The following TGFB1I1 variants were observed in gnomAD, a reference collection of about 807,000 sequenced individuals.
The protein encoded by TGFB1I1 is transforming growth factor beta-1-induced transcript 1 protein.
TGFB1I1 carries 33 observed loss-of-function variants against 52.0 expected under a neutral mutation model. That is an observed-to-expected ratio of 0.63 (90% CI 0.48 to 0.85). The LOEUF (loss-of-function observed/expected upper bound fraction) is 0.85, where lower values mean the gene tolerates loss of function less well. Ranked by LOEUF, TGFB1I1 falls within the 40% of genes least tolerant of loss-of-function variation. The probability of loss-of-function intolerance (pLI) is 0.00; values close to 1 mark genes in which losing one functional copy is unlikely to be tolerated. For synonymous variants in TGFB1I1, 236 were observed against 253.3 expected (o/e 0.93, Z 0.65); for missense variants, 577 against 614.9 (o/e 0.94, Z 0.65).
In TGFB1I1 at chr16:31,477,947, G is replaced by C. The variant is rs1394589488; in HGVS notation, c.*371G>C. On this transcript the variant is annotated 3_prime_UTR_variant, in exon 11 of 11. Coordinates refer to ENST00000394863, the MANE Select transcript of TGFB1I1 (RefSeq NM_001042454.3). This position sits in a 1 kb window ranked among gnomAD's most constrained non-coding sequence, Gnocchi z 4.7. ...ACTTTTTCTACCTACATAAACACACGCATTCCACCTCTCCCTGGTGCTGTC... is the reference window on the plus strand; with the variant it reads ...ACTTTTTCTACCTACATAAACACACCCATTCCACCTCTCCCTGGTGCTGTC... 8.3e-6 allele frequency: 2 copies of C among 240,896 alleles called. No homozygotes were observed. The highest frequency in any genetic ancestry group is 1.6e-5 in the Non-Finnish European group (2 of 124,936). The allele number at this position is 240,896 out of a possible 1,614,324, so 14.9% of individuals were successfully genotyped here. A position where few individuals can be genotyped will look rare whatever the true frequency, so the allele number is the denominator to read the frequency against.
Position 31,473,918 on chromosome 16 carries a change from G to C in TGFB1I1, c.266G>C (p.Gly89Ala). The change falls in exon 4 of 11, where the codon GGG (glycine) becomes GCG (alanine). Residue 89 changes from glycine to alanine, a missense_variant. Gly to Ala is a moderately conservative substitution (Grantham distance 60). Around this residue, in one of 3 missense-constraint regions of TGFB1I1, gnomAD observed 113 missense variants for 123.9 expected, o/e 0.91. Transcript: ENST00000394863. ...TCTTCCAGCGGTGTCTTGGGTACCG[G>C]GCTCTGTGAGCTAGATCGGTTGCTT... ...FSSSSGVLGT[G>A]LCELDRLLQE... The C allele has an allele frequency of 6.2e-7, 1 of 1,614,110 alleles. No individual in the cohort carries two copies. The highest frequency in any genetic ancestry group is 8.5e-7 in the Non-Finnish European group (1 of 1,180,024).
At chr16:31,472,278 A>C in intron 1 of TGFB1I1, 77 bp downstream of exon 1, 2 of 1,417,912 alleles carry the variant, frequency 1.4e-6, no homozygotes, top group South Asian at 1.5e-5. Context: ...GCTCTCCCGC[A>C]TCTCCCCATC....
intron 1 of TGFB1I1, 27 bp downstream of exon 1, chr16:31,472,228 G>A: frequency 1.3e-6 from 2 of 1,483,610 alleles, no homozygotes; most frequent in Admixed American, 2.1e-5. Flanking sequence ...CCCCGGGTCC[G>A]TGGCCCCTCA....
chr16:31,473,260 TG>T (rs1379867322), intron 1 of TGFB1I1, 180 bp from the exon 2 acceptor site: 4 of 1,407,760 alleles, frequency 2.8e-6, no homozygotes, highest in African/African-American at 1.4e-5. Context: ...CGTGAGCAAC[TG>T]GGATATTCTG....
Position 31,472,276 on chromosome 16 carries a change from G to T in TGFB1I1, c.13+75G>T. 7.7e-6 allele frequency: 11 copies of T among 1,421,750 alleles called. 1 individual carries two copies. In the South Asian group the frequency reaches 1.7e-4, roughly 21 times the overall value. 88.1% of individuals were successfully genotyped at this position (1,421,750 alleles called of 1,614,324 possible). A position where few individuals can be genotyped will look rare whatever the true frequency, so the allele number is the denominator to read the frequency against. On this transcript the variant is annotated intron_variant, in intron 1 of 10. Transcript: ENST00000394863. ...GCTGCCTCCCCGCCGTCGCTCTCCC[G>T]CATCTCCCCATCCCTGTCTTCTTAC...
At position 31,477,519 on chromosome 16, in the gene TGFB1I1, C is replaced by T; in HGVS notation, c.1329C>T (p.Phe443=). The change falls in exon 11 of 11, where the codon TTC becomes TTT. Residue 443 remains phenylalanine, a synonymous_variant. Transcript: ENST00000394863. The surrounding 1 kb of genome is among the most constrained non-coding windows in gnomAD (Gnocchi z 4.7). ...FCLRPLTKGS[F]QERAGKPYCQ... ...TGCGCCCGCTCACCAAGGGGTCCTT[C>T]CAGGAGCGCGCCGGCAAGCCCTACT... 2 of 1,610,042 alleles carry T rather than the reference C, an allele frequency of 1.2e-6. No individual in the cohort carries two copies. The highest frequency in any genetic ancestry group is 1.7e-6 in the Non-Finnish European group (2 of 1,178,782).
rs1449164980 is a variant in TGFB1I1, at chr16:31,477,748, C to G, written c.*172C>G. The G allele has an allele frequency of 1.2e-5, 10 of 855,892 alleles. No homozygotes were observed. The East Asian group carries it at 2.7e-4, about 23-fold the overall frequency. 53.0% of individuals were successfully genotyped at this position (855,892 alleles called of 1,614,324 possible). A position where few individuals can be genotyped will look rare whatever the true frequency, so the allele number is the denominator to read the frequency against. ...AAGTTCAGAAACGGCCCAGCCAGAC[C>G]TAAACCCACACGCCCACAAAGTGGA... On this transcript the variant is annotated 3_prime_UTR_variant, in exon 11 of 11. Transcript: ENST00000394863. This position sits in a 1 kb window ranked among gnomAD's most constrained non-coding sequence, Gnocchi z 4.7.
Position 31,476,878 on chromosome 16 carries a change from G to A in TGFB1I1, c.987G>A (p.Glu329=), listed in dbSNP as rs770522130. Residue 329 remains glutamate, a synonymous_variant, in exon 10 of 11, where the codon GAG becomes GAA. Coordinates refer to ENST00000394863, the MANE Select transcript of TGFB1I1 (RefSeq NM_001042454.3). This position sits in a 1 kb window ranked among gnomAD's most constrained non-coding sequence, Gnocchi z 7.6. ...PFGDEGFHER[E]GRPYCRRDFL... is the part of the protein sequence containing the mutation. ...CTCTCCTAGGTTTCCACGAGCGCGAGGGCCGCCCCTACTGCCGCCGGGACT... is the reference window on the plus strand; with the variant it reads ...CTCTCCTAGGTTTCCACGAGCGCGAAGGCCGCCCCTACTGCCGCCGGGACT... 1 of 1,611,380 alleles carries A rather than the reference G, an allele frequency of 6.2e-7. No individual in the cohort carries two copies. Among genetic ancestry groups the A allele is most frequent in the Non-Finnish European group, 8.5e-7 (1 of 1,179,836 alleles).
At chr16:31,473,317 T>TCTGGCC in intron 1 of TGFB1I1, 124 bp from the exon 2 acceptor site, 2 of 1,458,424 alleles carry the variant, frequency 1.4e-6, no homozygotes, top group East Asian at 4.9e-5. Context: ...TCTGCCTGGC[T>TCTGGCC]CTGGCCCTGT....
chr16:31,474,336 C>T lies in TGFB1I1; in HGVS notation c.414-14C>T, dbSNP rs770704623. On this transcript the variant is annotated splice_polypyrimidine_tract_variant and intron_variant, in intron 5 of 10. Coordinates refer to ENST00000394863, the MANE Select transcript of TGFB1I1 (RefSeq NM_001042454.3). The surrounding 1 kb of genome is among the most constrained non-coding windows in gnomAD (Gnocchi z 4.2). ...CTGGGAGGCTCTGAGATGACACAAG[C>T]ATGTTCTTCACAGCCCTTCCAGCCC... The T allele has an allele frequency of 1.1e-5, 17 of 1,614,092 alleles. No individual in the cohort carries two copies. Among genetic ancestry groups the T allele is most frequent in the Non-Finnish European group, 1.4e-5 (17 of 1,179,962 alleles).
At chr16:31,473,181 T>C in intron 1 of TGFB1I1, 1 of 1,257,432 alleles carries the variant, frequency 8.0e-7, no homozygotes, top group Non-Finnish European at 1.0e-6. Flanking sequence ...GAAGAGCCCA[T>C]TTTGACTGCA....
At position 31,477,305 on chromosome 16, in the gene TGFB1I1, C is replaced by T. The variant is rs2082432049; in HGVS notation, c.1120-5C>T. 6.2e-7 allele frequency: 1 copy of T among 1,600,682 alleles called. No individual in the cohort carries two copies. The stretch of plus-strand genomic sequence containing the variant: ...CTGTCCTCTTTCGCGGCTTCCCTTC[C>T]CCAGGAATGCTTCGCGCCCTTCTCG... On this transcript the variant is annotated splice_region_variant and splice_polypyrimidine_tract_variant and intron_variant, in intron 10 of 10. Transcript: ENST00000394863. This position sits in a 1 kb window ranked among gnomAD's most constrained non-coding sequence, Gnocchi z 4.7.
Position 31,477,059 on chromosome 16 carries a change from G to GC in TGFB1I1, c.1119+50dup, listed in dbSNP as rs1174247680. On this transcript the variant is annotated intron_variant, in intron 10 of 10. Coordinates refer to ENST00000394863, the MANE Select transcript of TGFB1I1 (RefSeq NM_001042454.3). This position sits in a 1 kb window ranked among gnomAD's most constrained non-coding sequence, Gnocchi z 4.7. ...TGGAGGGGCGGGTCAAGGGTACAGG[G>GC]CTGTGGGGCGGGGCCTTGGAGGGGC... is the stretch of plus-strand genomic sequence containing the variant. The GC allele has an allele frequency of 6.6e-7, 1 of 1,510,434 alleles. No homozygotes were observed. The highest frequency in any genetic ancestry group is 8.8e-7 in the Non-Finnish European group (1 of 1,132,134). 93.6% of individuals were successfully genotyped at this position (1,510,434 alleles called of 1,614,324 possible).
In TGFB1I1 at chr16:31,474,916, C is replaced by A; in HGVS notation, c.714+159C>A. ...ATGAGGAAACTGAAGCTCTGAACCA[C>A]ACAGCAGGTTAGTGGTAGGGTGAAA... On this transcript the variant is annotated intron_variant, in intron 7 of 10. Transcript: ENST00000394863. This position sits in a 1 kb window ranked among gnomAD's most constrained non-coding sequence, Gnocchi z 4.2. 1.4e-6 allele frequency: 1 copy of A among 727,278 alleles called. No individual in the cohort carries two copies. The highest frequency in any genetic ancestry group is 1.9e-5 in the South Asian group (1 of 53,638). The allele number at this position is 727,278 out of a possible 1,614,324, so 45.1% of individuals were successfully genotyped here.
At chr16:31,472,562 T>G (rs907166710) in intron 1 of TGFB1I1, 1 of 226,238 alleles carries the variant, frequency 4.4e-6, no homozygotes, top group Non-Finnish European at 8.6e-6. Flanking sequence ...CATCAAGTTT[T>G]GGAGAAAAAA....
rs2082435778 is a variant in TGFB1I1, at chr16:31,477,629, C to G, written c.*53C>G. The G allele has an allele frequency of 6.5e-7, 1 of 1,529,768 alleles. No individual in the cohort carries two copies. Among genetic ancestry groups the G allele is most frequent in the African/African-American group, 1.4e-5 (1 of 73,294 alleles). 94.8% of individuals were successfully genotyped at this position (1,529,768 alleles called of 1,614,324 possible). A position where few individuals can be genotyped will look rare whatever the true frequency, so the allele number is the denominator to read the frequency against. ...GGAGGCCGCGCCCTCCCGGAAAAGCCGGGTCCTCCAGACCCCGAGGCCTTG... is the reference window on the plus strand; with the variant it reads ...GGAGGCCGCGCCCTCCCGGAAAAGCGGGGTCCTCCAGACCCCGAGGCCTTG... On this transcript the variant is annotated 3_prime_UTR_variant, in exon 11 of 11. Coordinates refer to ENST00000394863, the MANE Select transcript of TGFB1I1 (RefSeq NM_001042454.3). This position sits in a 1 kb window ranked among gnomAD's most constrained non-coding sequence, Gnocchi z 4.7.
Position 31,476,422 on chromosome 16 carries a change from C to A in TGFB1I1, c.889-59C>A. On this transcript the variant is annotated intron_variant, in intron 8 of 10. Coordinates refer to ENST00000394863, the MANE Select transcript of TGFB1I1 (RefSeq NM_001042454.3). This position sits in a 1 kb window ranked among gnomAD's most constrained non-coding sequence, Gnocchi z 7.6. ...TTAGTCCAGTCACCCGGGTTCCGCG[C>A]GGGAGAGGAAGGCGCGAAGGCACGG... 1.3e-6 allele frequency: 2 copies of A among 1,536,864 alleles called. No homozygotes were observed. The highest frequency in any genetic ancestry group is 1.8e-6 in the Non-Finnish European group (2 of 1,125,496).
At position 31,474,630 on chromosome 16, in the gene TGFB1I1, C is replaced by T. The variant is rs541970394; in HGVS notation, c.587C>T (p.Pro196Leu). The change falls in exon 7 of 11, where the codon CCA (proline) becomes CTA (leucine). Residue 196 changes from proline to leucine, a missense_variant. Pro to Leu is a moderately conservative substitution (Grantham distance 98). Transcript: ENST00000394863. The surrounding 1 kb of genome is among the most constrained non-coding windows in gnomAD (Gnocchi z 4.2). ...ACAAATGAGGGCTCCCCATCCCCAC[C>T]AGAGCCGACTGGCAAGGGCAGCCTA... ...SSTNEGSPSP[P>L]EPTGKGSLDT... 3.1e-6 allele frequency: 5 copies of T among 1,612,708 alleles called. No individual in the cohort carries two copies. The African/African-American group carries it at 6.7e-5, about 21-fold the overall frequency.
rs1567384220 is a variant in TGFB1I1 at position 31,477,021 on chromosome 16, C to CGGGGCGGGGCGTTGGA, written c.1119+20_1119+35dup. 6 of 1,313,024 alleles carry CGGGGCGGGGCGTTGGA rather than the reference C, an allele frequency of 4.6e-6. No individual in the cohort carries two copies. Among genetic ancestry groups the CGGGGCGGGGCGTTGGA allele is most frequent in the East Asian group, 4.1e-5 (1 of 24,182 alleles). 81.3% of individuals were successfully genotyped at this position (1,313,024 alleles called of 1,614,324 possible). The stretch of plus-strand genomic sequence containing the variant: ...TGTTTCGTCTGCAGGGTGCGAGCTG[C>CGGGGCGGGGCGTTGGA]GGGGCGGGGCGTTGGAGGGGCGGGT... On this transcript the variant is annotated intron_variant, in intron 10 of 10. Coordinates refer to ENST00000394863, the MANE Select transcript of TGFB1I1 (RefSeq NM_001042454.3). This position sits in a 1 kb window ranked among gnomAD's most constrained non-coding sequence, Gnocchi z 4.7.
Sources: gnomAD v4.1 joint callset for allele counts on GRCh38, gnomAD v4.1.1 for gene constraint, gnomAD v4.1.1 regional missense constraint, Gnocchi (gnomAD v3.1) non-coding constraint, MANE v1.5 for transcripts, NCBI Gene and HGNC (gene_info 2026-07-23, HGNC 2026-07-21) for gene names.